Variants in COX7A2L observed in about 807,000 individuals in gnomAD.
COX7A2L encodes the protein cytochrome c oxidase subunit 7A2 like, also known as cytochrome c oxidase subunit 7A2-like, mitochondrial.
In COX7A2L, 18 loss-of-function variants were observed where a neutral mutation model predicts 14.2. The observed-to-expected ratio is 1.27, with a 90% CI of 0.88 to 1.88. COX7A2L has a LOEUF of 1.88. Among genes scored for constraint, COX7A2L ranks in the 40% most tolerant of loss-of-function variants. The pLI, the probability that COX7A2L is intolerant of heterozygous loss-of-function variation, is 0.00. For missense variants in COX7A2L, 179 were observed against 138.8 expected (o/e 1.29, Z -1.46); for synonymous variants, 65 against 57.4 (o/e 1.13, Z -0.60).
chr2:42,337,426 G>A (rs1281565927), intron 2 of COX7A2L, among the ~76,000 whole-genome samples: 1 of 152,194 alleles, frequency 6.6e-6, no homozygotes, highest in African/African-American at 2.4e-5. Flanking sequence ...TACAGAGACA[G>A]AGAAAAGACT....
intron 2 of COX7A2L, 92 bp downstream of exon 2, chr2:42,353,120 G>C: frequency 7.0e-7 from 1 of 1,434,554 alleles, no homozygotes. Context: ...AAGGAGGGTG[G>C]GTAGTAAACT....
upstream of COX7A2L, chr2:42,361,325 T>C: frequency 1.6e-6 from 1 of 625,346 alleles, no homozygotes. Context: ...TAAGCCGCAT[T>C]GGGGAACCAA....
At chr2:42,343,542 G>A (rs768829018) in intron 2 of COX7A2L, among the ~76,000 whole-genome samples, 71 of 152,188 alleles carry the variant, frequency 4.7e-4, no homozygotes, top group Non-Finnish European at 9.7e-4. Flanking sequence ...CCATTTCTCA[G>A]CCAACCCGAC....
chr2:42,361,208 C>T lies in COX7A2L; in HGVS notation c.-47G>A. 1 of 1,541,102 alleles carries T rather than the reference C, an allele frequency of 6.5e-7. No individual in the cohort carries two copies. Among genetic ancestry groups the T allele is most frequent in the Non-Finnish European group, 8.8e-7 (1 of 1,132,410 alleles). The stretch of plus-strand genomic sequence containing the variant: ...CGCATCCGCTGCCAACGCGACCGCC[C>T]CAGAGAAGGACCCCGCCTCCCCGGC... On this transcript the variant is annotated 5_prime_UTR_variant, in exon 1 of 3. Coordinates refer to ENST00000234301, the MANE Select transcript of COX7A2L (RefSeq NM_004718.4).
chr2:42,355,399 A>G (rs145731688), intron 1 of COX7A2L, among the ~76,000 whole-genome samples: 213 of 152,336 alleles, frequency 1.4e-3, no homozygotes, highest in African/African-American at 5.0e-3. Context: ...ATCTCCAAAA[A>G]TGGCTTGAAA....
chr2:42,360,786 T>C (rs150209110), intron 1 of COX7A2L, among the ~76,000 whole-genome samples: 91 of 152,108 alleles, frequency 6.0e-4, no homozygotes, highest in African/African-American at 1.9e-3. Context: ...CTGACTCGGG[T>C]CACACTGGGG....
chr2:42,364,903 T>C (rs1423781670), upstream of COX7A2L, among the ~76,000 whole-genome samples: 1 of 152,202 alleles, frequency 6.6e-6, no homozygotes, highest in African/African-American at 2.4e-5. Flanking sequence ...TGAATGTCAA[T>C]ACAGTGTGTG....
At chr2:42,346,069 C>T (rs1670491923), downstream of COX7A2L, among the ~76,000 whole-genome samples, 1 of 152,182 alleles carries the variant, frequency 6.6e-6, no homozygotes, top group African/African-American at 2.4e-5. Context: ...GCAGCCTGCA[C>T]TCCTTCCCTG....
At chr2:42,358,559 C>A (rs1302467832) in intron 1 of COX7A2L, among the ~76,000 whole-genome samples, 1 of 152,216 alleles carries the variant, frequency 6.6e-6, no homozygotes, top group Admixed American at 6.5e-5. Flanking sequence ...GCACCTGTCA[C>A]AATCACTCAG....
Position 42,360,947 on chromosome 2 carries a change from G to T in COX7A2L, c.72+143C>A. Reference sequence around the variant, plus strand: ...TCAGTGACCACCGTACGCTGGTGTGGAGAGGCCCCGGGAGGTGCAAGGAGA... The same window carrying T: ...TCAGTGACCACCGTACGCTGGTGTGTAGAGGCCCCGGGAGGTGCAAGGAGA... On this transcript the variant is annotated intron_variant, in intron 1 of 2. Coordinates refer to ENST00000234301, the MANE Select transcript of COX7A2L (RefSeq NM_004718.4). The T allele has an allele frequency of 5.0e-6, 4 of 802,158 alleles. No homozygotes were observed. In the South Asian group the frequency reaches 5.9e-5, roughly 12 times the overall value. 49.7% of individuals were successfully genotyped at this position (802,158 alleles called of 1,614,324 possible).
chr2:42,340,385 G>T (rs913767945), intron 2 of COX7A2L, among the ~76,000 whole-genome samples: 2 of 152,124 alleles, frequency 1.3e-5, no homozygotes, highest in Non-Finnish European at 2.9e-5. Context: ...ATTATCAATT[G>T]TTGTAAGTCT....
At chr2:42,368,865 T>G (rs1247959256) in intron 1 of COX7A2L, 1 of 152,214 alleles carries the variant, frequency 6.6e-6, no homozygotes, top group Non-Finnish European at 1.5e-5. Context: ...CTCTTAGACT[T>G]ACCAAGTCAA....
At chr2:42,335,626 G>T (rs1018609301) in intron 2 of COX7A2L, among the ~76,000 whole-genome samples, 15 of 152,328 alleles carry the variant, frequency 9.8e-5, no homozygotes, top group African/African-American at 1.9e-4. Flanking sequence ...CCATTTCACA[G>T]ATGAAGAAAC....
At chr2:42,336,673 A>G (rs1558624927) in intron 2 of COX7A2L, among the ~76,000 whole-genome samples, 1 of 152,220 alleles carries the variant, frequency 6.6e-6, no homozygotes, top group African/African-American at 2.4e-5. Context: ...CAGGGAAACC[A>G]GAAGCTGGAG....
At chr2:42,340,953 C>T (rs990781239) in intron 2 of COX7A2L, among the ~76,000 whole-genome samples, 2 of 152,208 alleles carry the variant, frequency 1.3e-5, no homozygotes, top group African/African-American at 4.8e-5. Flanking sequence ...CTGTTCAGAC[C>T]TGGAGCCAAA....
intron 1 of COX7A2L, among the ~76,000 whole-genome samples, chr2:42,358,079 A>C (rs1207759217): frequency 1.3e-5 from 2 of 152,212 alleles, no homozygotes; most frequent in Non-Finnish European, 2.9e-5. Context: ...CTGTTTTCCA[A>C]AGTGGCTGCG....
At position 42,339,314 on chromosome 2, in the gene COX7A2L, G is replaced by A. The variant is rs967119316; in HGVS notation, c.193-5445C>T. 8.5e-5 allele frequency among the ~76,000 whole-genome samples: 13 copies of A among 152,196 alleles called. No individual in the cohort carries two copies. Among genetic ancestry groups the A allele is most frequent in the African/African-American group, 3.1e-4 (13 of 41,446 alleles). On this transcript the variant is annotated intron_variant, in intron 2 of 2. Coordinates refer to the COX7A2L transcript ENST00000468711. The surrounding 1 kb of genome is among the most constrained non-coding windows in gnomAD (Gnocchi z 5.4). ...GTTTCTCGGGCACAGGATCCCCCCA[G>A]CGGCTCTTGCTCCTCCATGTCCTGA...
rs751330240 is a variant in COX7A2L at position 42,353,368 on chromosome 2, C to A, written c.73-25G>T. On this transcript the variant is annotated intron_variant, in intron 1 of 2. Coordinates refer to ENST00000234301, the MANE Select transcript of COX7A2L (RefSeq NM_004718.4). Reference sequence around the variant, plus strand: ...CCTGTAGAGAAAAAAAGGAAAATGGCAAGTTGAAAGTATGTCTGAGGAGGC... The same window carrying A: ...CCTGTAGAGAAAAAAAGGAAAATGGAAAGTTGAAAGTATGTCTGAGGAGGC... 24 of 1,611,664 alleles carry A rather than the reference C, an allele frequency of 1.5e-5. No homozygotes were observed. The Middle Eastern group carries it at 5.0e-4, about 33-fold the overall frequency.
chr2:42,344,663 T>G (rs2103878335), downstream of COX7A2L, among the ~76,000 whole-genome samples: 1 of 152,018 alleles, frequency 6.6e-6, no homozygotes, highest in African/African-American at 2.4e-5. Flanking sequence ...CCATCCTGGC[T>G]AAGGCAATGA....
Sources: gnomAD v4.1 joint callset for allele counts (sites outside exome capture counted in the v4.1 genomes callset) on GRCh38, gnomAD v4.1.1 for gene constraint, Gnocchi (gnomAD v3.1) non-coding constraint, MANE v1.5 for transcripts, NCBI Gene and HGNC (gene_info 2026-07-23, HGNC 2026-07-21) for gene names.